The following GNAZ variants were observed in gnomAD, a reference collection of about 807,000 sequenced individuals.
GNAZ encodes G protein subunit alpha z.
Under a neutral mutation model 25.4 loss-of-function variants are expected in GNAZ, and 3 were observed. The observed-to-expected ratio is 0.12, with a 90% CI of 0.05 to 0.30. The LOEUF (loss-of-function observed/expected upper bound fraction) is 0.30, where lower values mean the gene tolerates loss of function less well. GNAZ is among the 10% of genes least tolerant of loss of function. The pLI is 1.00. For synonymous variants in GNAZ, 211 were observed against 205.7 expected, an observed-to-expected ratio of 1.03 and a Z score of -0.22; for missense variants, 241 against 501.8, an observed-to-expected ratio of 0.48 and a Z score of 4.97.
intron 2 of GNAZ, among the ~76,000 whole-genome samples, chr22:23,107,032 T>G (rs2069502428): frequency 6.6e-6 from 1 of 152,266 alleles, no homozygotes; most frequent in Admixed American, 6.5e-5. Context: ...GCTCAGCTGT[T>G]TCTGGCAGGT....
chr22:23,088,946 TCA>T (rs1402632162), intron 1 of GNAZ, among the ~76,000 whole-genome samples: 1 of 152,204 alleles, frequency 6.6e-6, no homozygotes, highest in African/African-American at 2.4e-5. Context: ...TCTCCCCCAG[TCA>T]CAGTCTGGGT....
At chr22:23,107,661 G>A (rs1021184320) in intron 2 of GNAZ, among the ~76,000 whole-genome samples, 6 of 152,154 alleles carry the variant, frequency 3.9e-5, no homozygotes, top group Non-Finnish European at 7.4e-5. Flanking sequence ...AAGAAGCACC[G>A]GAACCCACCA....
rs757716621 is a variant in GNAZ, at chr22:23,123,603, G to A, written c.*172G>A. The A allele has an allele frequency of 3.3e-5, 20 of 600,116 alleles. No homozygotes were observed. Among genetic ancestry groups the A allele is most frequent in the Middle Eastern group, 4.4e-4 (1 of 2,262 alleles). The allele number at this position is 600,116 out of a possible 1,614,324, so 37.2% of individuals were successfully genotyped here. On this transcript the variant is annotated 3_prime_UTR_variant, in exon 3 of 3. Coordinates refer to ENST00000615612, the MANE Select transcript of GNAZ (RefSeq NM_002073.4). ...CATTTCTGCAAACATAAATATTTAC[G>A]GATAGATTGCTAGGTAGATAGACAC...
Position 23,115,002 on chromosome 22 carries a change from G to T in GNAZ, c.724-8085G>T, listed in dbSNP as rs74754100. ...CATCTGTGTCCCAGGGATGATGCTG[G>T]TTCCAGGAAGAGCTGAAACCTTAAT... is the stretch of plus-strand genomic sequence containing the variant. On this transcript the variant is annotated intron_variant, in intron 2 of 2. Coordinates refer to ENST00000615612, the MANE Select transcript of GNAZ (RefSeq NM_002073.4). Among the ~76,000 whole-genome samples the T allele has an allele frequency of 3.3e-3, 504 of 152,330 alleles. 3 individuals carry two copies. The highest frequency in any genetic ancestry group is 0.012 in the African/African-American group (480 of 41,574).
chr22:23,121,587 C>T (rs1027921670), intron 2 of GNAZ, among the ~76,000 whole-genome samples: 1 of 152,218 alleles, frequency 6.6e-6, no homozygotes, highest in African/African-American at 2.4e-5. Context: ...TCGTGTCCAG[C>T]TGTGGTTACC....
At position 23,123,392 on chromosome 22, in the gene GNAZ, C is replaced by A. The variant is rs201031515; in HGVS notation, c.1029C>A (p.Val343=). The A allele has an allele frequency of 3.7e-6, 6 of 1,613,870 alleles. No individual in the cohort carries two copies. Among genetic ancestry groups the A allele is most frequent in the Non-Finnish European group, 5.1e-6 (6 of 1,179,856 alleles). The part of the protein sequence containing the change: ...IQFVFDAVTD[V]IIQNNLKYIG... Reference sequence around the variant, plus strand: ...TTGTCTTCGACGCGGTGACAGACGTCATCATACAGAACAATCTCAAGTACA... The same window carrying A: ...TTGTCTTCGACGCGGTGACAGACGTAATCATACAGAACAATCTCAAGTACA... Residue 343 remains valine, a synonymous_variant, in exon 3 of 3, where the codon GTC becomes GTA. Coordinates refer to ENST00000615612, the MANE Select transcript of GNAZ (RefSeq NM_002073.4).
Position 23,071,850 on chromosome 22 carries a change from C to A in GNAZ, c.-450+1280C>A, listed in dbSNP as rs1228626420. Among the ~76,000 whole-genome samples the A allele has an allele frequency of 6.6e-6, 1 of 152,118 alleles. No individual in the cohort carries two copies. Among genetic ancestry groups the A allele is most frequent in the Non-Finnish European group, 1.5e-5 (1 of 68,022 alleles). Reference sequence around the variant, plus strand: ...TGTGGGCAGAGAGGAGAGAATAGACCGAGGCACTTGGGCAGTTAGGTCTGA... The same window carrying A: ...TGTGGGCAGAGAGGAGAGAATAGACAGAGGCACTTGGGCAGTTAGGTCTGA... On this transcript the variant is annotated intron_variant, in intron 1 of 2. Coordinates refer to ENST00000615612, the MANE Select transcript of GNAZ (RefSeq NM_002073.4). This position sits in a 1 kb window ranked among gnomAD's most constrained non-coding sequence, Gnocchi z 4.1.
intron 2 of GNAZ, among the ~76,000 whole-genome samples, chr22:23,116,859 G>A (rs1028712213): frequency 2.0e-5 from 3 of 152,112 alleles, no homozygotes; most frequent in Non-Finnish European, 4.4e-5. Flanking sequence ...CAGTCCAGAG[G>A]CCTCTTAAAA....
At chr22:23,115,338 A>G (rs1029520622) in intron 2 of GNAZ, among the ~76,000 whole-genome samples, 1 of 152,158 alleles carries the variant, frequency 6.6e-6, no homozygotes, top group East Asian at 1.9e-4. Flanking sequence ...GTTGCCCCCA[A>G]ACCAGTGTGA....
chr22:23,117,010 T>G (rs1482837335), intron 2 of GNAZ, among the ~76,000 whole-genome samples: 1 of 152,168 alleles, frequency 6.6e-6, no homozygotes, highest in Admixed American at 6.5e-5. Flanking sequence ...TGCGCGCACC[T>G]GCTGGGGGAT....
Position 23,123,082 on chromosome 22 carries a change from C to G in GNAZ, c.724-5C>G, listed in dbSNP as rs377486881. ...TGATTAACGCCAGTACTTTCCTTTCCCCAGAGTCGGATGGCAGAGAGCTTG... is the reference window on the plus strand; with the variant it reads ...TGATTAACGCCAGTACTTTCCTTTCGCCAGAGTCGGATGGCAGAGAGCTTG... On this transcript the variant is annotated splice_polypyrimidine_tract_variant and splice_region_variant and intron_variant, in intron 2 of 2. Transcript: ENST00000615612. 6.2e-7 allele frequency: 1 copy of G among 1,604,368 alleles called. No individual in the cohort carries two copies. The highest frequency in any genetic ancestry group is 8.5e-7 in the Non-Finnish European group (1 of 1,171,244).
rs2068365859 is a variant in GNAZ, at chr22:23,071,279, G to A, written c.-450+709G>A. 6.6e-6 allele frequency among the ~76,000 whole-genome samples: 1 copy of A among 152,212 alleles called. No homozygotes were observed. Among genetic ancestry groups the A allele is most frequent in the Admixed American group, 6.5e-5 (1 of 15,284 alleles). ...CCGTATCCTGCGGGCGATCCGAGGG[G>A]GCTCTGCCTTTAGGGCGGTGCTGAG... On this transcript the variant is annotated intron_variant, in intron 1 of 2. Transcript: ENST00000615612. The surrounding 1 kb of genome is among the most constrained non-coding windows in gnomAD (Gnocchi z 4.1).
intron 1 of GNAZ, among the ~76,000 whole-genome samples, chr22:23,077,551 C>T (rs1569161161): frequency 6.6e-6 from 1 of 152,252 alleles, no homozygotes; most frequent in East Asian, 1.9e-4. Flanking sequence ...GCCACGGAAA[C>T]AAGGTGCTAA....
chr22:23,113,032 A>T (rs1476380144), intron 2 of GNAZ, among the ~76,000 whole-genome samples: 1 of 151,390 alleles, frequency 6.6e-6, no homozygotes, highest in Non-Finnish European at 1.5e-5. Flanking sequence ...TGCTCTGAGC[A>T]TAGCAGCCCC....
intron 2 of GNAZ, among the ~76,000 whole-genome samples, chr22:23,108,886 T>C (rs997817121): frequency 6.6e-6 from 1 of 152,208 alleles, no homozygotes; most frequent in Non-Finnish European, 1.5e-5. Context: ...TTTGCCATGC[T>C]CTTCTCTGTC....
Position 23,096,164 on chromosome 22 carries a change from C to G in GNAZ, c.469C>G (p.Leu157Val). The change falls in exon 2 of 3, where the codon CTG (leucine) becomes GTG (valine). Residue 157 changes from leucine to valine, a missense_variant. Physicochemically the swap from Leu to Val is conservative, Grantham distance 32. Coordinates refer to ENST00000615612, the MANE Select transcript of GNAZ (RefSeq NM_002073.4). ...YHLEDNAAYY[L>V]NDLERIAAAD... ...CCTGGAGGACAACGCGGCCTACTACCTGAACGACCTGGAGCGCATCGCCGC... is the reference window on the plus strand; with the variant it reads ...CCTGGAGGACAACGCGGCCTACTACGTGAACGACCTGGAGCGCATCGCCGC... 6.2e-7 allele frequency: 1 copy of G among 1,613,208 alleles called. No individual in the cohort carries two copies. The highest frequency in any genetic ancestry group is 8.5e-7 in the Non-Finnish European group (1 of 1,179,894).
chr22:23,103,205 A>T (rs1380956907), intron 2 of GNAZ, among the ~76,000 whole-genome samples: 1 of 152,164 alleles, frequency 6.6e-6, no homozygotes, highest in African/African-American at 2.4e-5. Flanking sequence ...GTTTGACATT[A>T]TATTTGTGGC....
At position 23,095,545 on chromosome 22, in the gene GNAZ, G is replaced by T. The variant is rs1057026837; in HGVS notation, c.-151G>T. 1.2e-5 allele frequency: 10 copies of T among 804,390 alleles called. No homozygotes were observed. Among genetic ancestry groups the T allele is most frequent in the African/African-American group, 1.2e-4 (7 of 57,602 alleles). 49.8% of individuals were successfully genotyped at this position (804,390 alleles called of 1,614,324 possible). The stretch of plus-strand genomic sequence containing the variant: ...GCTGGAGAAGAGGCGCTGGGGCAGG[G>T]GCTGCAGTGTGGCTCGGCCTCACCC... On this transcript the variant is annotated 5_prime_UTR_variant, in exon 2 of 3. Coordinates refer to ENST00000615612, the MANE Select transcript of GNAZ (RefSeq NM_002073.4).
chr22:23,084,860 G>C (rs947325513), intron 1 of GNAZ, among the ~76,000 whole-genome samples: 11 of 152,228 alleles, frequency 7.2e-5, no homozygotes, highest in Non-Finnish European at 1.6e-4. Flanking sequence ...TCACTTGCCA[G>C]AGGACGCACT....
Sources: gnomAD v4.1 joint callset for allele counts (sites outside exome capture counted in the v4.1 genomes callset) on GRCh38, gnomAD v4.1.1 for gene constraint, Gnocchi (gnomAD v3.1) non-coding constraint, MANE v1.5 for transcripts, NCBI Gene and HGNC (gene_info 2026-07-23, HGNC 2026-07-21) for gene names.